C1QTNF3: variants seen among roughly 807,000 people sequenced by gnomAD.
C1QTNF3 encodes the protein C1q and TNF related 3.
A neutral mutation model predicts 32.6 loss-of-function variants in C1QTNF3; 26 were observed. The observed-to-expected ratio is 0.80, with a 90% CI of 0.58 to 1.11. C1QTNF3 has a LOEUF of 1.11. C1QTNF3 is among the 50% of genes least tolerant of loss of function. The pLI is 0.00. For synonymous variants in C1QTNF3, 155 were observed against 146.0 expected (o/e 1.06, Z -0.44); for missense variants, 362 against 398.2 (o/e 0.91, Z 0.77).
At chr5:34,241,237 C>T in the C1QTNF3 span, among the ~76,000 whole-genome samples, 2 of 152,134 alleles carry the variant, frequency 1.3e-5, no homozygotes, top group Non-Finnish European at 2.9e-5. Context: ...AAGCCAAGGA[C>T]ATCCACTCTT....
chr5:34,084,986 C>CTTTTTTTT, the C1QTNF3 span, among the ~76,000 whole-genome samples: 3 of 69,938 alleles, frequency 4.3e-5, no homozygotes, highest in Admixed American at 1.9e-4. Context: ...ACGTTTAAGT[C>CTTTTTTTT]TTTTTTTTTT....
the C1QTNF3 span, among the ~76,000 whole-genome samples, chr5:34,154,349 G>C: frequency 6.6e-6 from 1 of 152,018 alleles, no homozygotes; most frequent in East Asian, 1.9e-4. Flanking sequence ...TTTCAAAATA[G>C]GCATTCGTCC....
At chr5:34,174,796 G>C in the C1QTNF3 span, among the ~76,000 whole-genome samples, 1 of 152,098 alleles carries the variant, frequency 6.6e-6, no homozygotes, top group Non-Finnish European at 1.5e-5. Flanking sequence ...CTGGAGTGCG[G>C]TGGCACAATC....
chr5:34,123,622 C>CT, the C1QTNF3 span, among the ~76,000 whole-genome samples: 787 of 136,414 alleles, frequency 5.8e-3, 13 homozygotes, highest in African/African-American at 0.02. Context: ...AACAGATATG[C>CT]TTTTTTTTTT....
chr5:34,242,797 G>GA, the C1QTNF3 span, among the ~76,000 whole-genome samples: 65 of 151,860 alleles, frequency 4.3e-4, 1 homozygote, highest in Admixed American at 1.2e-3. Context: ...CCATAAGGAA[G>GA]AAAAAATGAC....
the C1QTNF3 span, among the ~76,000 whole-genome samples, chr5:34,171,495 T>C: frequency 5.3e-5 from 8 of 152,084 alleles, no homozygotes; most frequent in Non-Finnish European, 2.9e-5. Flanking sequence ...CATTTTGTTA[T>C]GTGTATCAGT....
At chr5:34,047,207 T>C (rs1009048583), upstream of C1QTNF3, among the ~76,000 whole-genome samples, 1 of 152,236 alleles carries the variant, frequency 6.6e-6, no homozygotes, top group African/African-American at 2.4e-5. Flanking sequence ...GGCTCCTGGA[T>C]ACACTGGGAC....
chr5:34,241,951 GGGAAGGAA>G, the C1QTNF3 span, among the ~76,000 whole-genome samples: 6,811 of 90,100 alleles, frequency 0.076, 513 homozygotes, highest in African/African-American at 0.19. Flanking sequence ...AAGGGAGGGA[GGGAAGGAA>G]GGAAGGAAGG....
At chr5:34,154,430 T>A in the C1QTNF3 span, among the ~76,000 whole-genome samples, 1 of 152,206 alleles carries the variant, frequency 6.6e-6, no homozygotes, top group Non-Finnish European at 1.5e-5. Flanking sequence ...ATTGATTAAA[T>A]GTTACCCTGT....
At chr5:34,070,125 C>T in the C1QTNF3 span, among the ~76,000 whole-genome samples, 2 of 152,258 alleles carry the variant, frequency 1.3e-5, no homozygotes, top group South Asian at 4.1e-4. Context: ...ACATTCCAGC[C>T]ACAGTCATCC....
the C1QTNF3 span, among the ~76,000 whole-genome samples, chr5:34,196,154 T>C: frequency 6.6e-6 from 1 of 152,302 alleles, no homozygotes; most frequent in African/African-American, 2.4e-5. Context: ...TTGTTTGCTT[T>C]TGTTTTTTTT....
At chr5:34,126,475 G>A in the C1QTNF3 span, among the ~76,000 whole-genome samples, 1 of 149,528 alleles carries the variant, frequency 6.7e-6, no homozygotes, top group East Asian at 1.9e-4. Context: ...GGAGAAAAGG[G>A]AAAGCTTGTA....
intron 1 of C1QTNF3, 111 bp from the exon 2 acceptor site, chr5:34,035,869 C>T: frequency 1.3e-6 from 1 of 756,794 alleles, no homozygotes; most frequent in East Asian, 2.7e-5. Flanking sequence ...AATCGAATCA[C>T]AGCAAGATCA....
chr5:34,092,475 TTA>T, the C1QTNF3 span, among the ~76,000 whole-genome samples: 1 of 150,052 alleles, frequency 6.7e-6, no homozygotes. Context: ...AATCTCCAAA[TTA>T]TACTTATTAA....
the C1QTNF3 span, among the ~76,000 whole-genome samples, chr5:34,235,546 C>CTTTTTTTT: frequency 9.6e-6 from 1 of 103,928 alleles, no homozygotes; most frequent in African/African-American, 3.6e-5. Context: ...ATTTCTTTTT[C>CTTTTTTTT]TTTTTTTTTT....
At chr5:34,114,415 C>T in the C1QTNF3 span, among the ~76,000 whole-genome samples, 1 of 152,042 alleles carries the variant, frequency 6.6e-6, no homozygotes, top group African/African-American at 2.4e-5. Flanking sequence ...TAATTTATTG[C>T]TAAATTCAGT....
At chr5:34,094,130 C>T in the C1QTNF3 span, among the ~76,000 whole-genome samples, 14 of 152,312 alleles carry the variant, frequency 9.2e-5, no homozygotes, top group Admixed American at 5.9e-4. Context: ...TATTTTCCAT[C>T]TTTGCTTAGC....
the C1QTNF3 span, among the ~76,000 whole-genome samples, chr5:34,120,197 T>C: frequency 1.3e-5 from 2 of 152,238 alleles, no homozygotes; most frequent in Admixed American, 6.5e-5. Context: ...AAATTCACTT[T>C]GGCATTCATG....
At chr5:34,092,003 G>C in the C1QTNF3 span, among the ~76,000 whole-genome samples, 1 of 151,314 alleles carries the variant, frequency 6.6e-6, no homozygotes, top group Non-Finnish European at 1.5e-5. Flanking sequence ...ATAGGTGATC[G>C]ATAGCCTAAT....
Sources: gnomAD v4.1 joint callset for allele counts (sites outside exome capture counted in the v4.1 genomes callset) on GRCh38, gnomAD v4.1.1 for gene constraint, MANE v1.5 for transcripts, NCBI Gene and HGNC (gene_info 2026-07-23, HGNC 2026-07-21) for gene names.